The following PIWIL3 variants were observed in gnomAD, a reference collection of about 807,000 sequenced individuals.
The protein encoded by PIWIL3 is piwi like RNA-mediated gene silencing 3.
In PIWIL3, 101 loss-of-function variants were observed where a neutral mutation model predicts 109.7. The observed-to-expected ratio is 0.92, with a 90% confidence interval of 0.78 to 1.09. PIWIL3 has a LOEUF of 1.09. Among genes scored for constraint, PIWIL3 ranks in the 50% least tolerant of loss-of-function variants. PIWIL3 has a pLI of 0.00. For missense variants in PIWIL3, 1,031 were observed against 1,072.6 expected (o/e 0.96, Z 0.54); for synonymous variants, 373 against 376.4 (o/e 0.99, Z 0.10).
In PIWIL3 at chr22:24,719,422, C is replaced by T. The variant is rs1225240721; in HGVS notation, c.*50G>A. 7.4e-7 allele frequency: 1 copy of T among 1,344,560 alleles called. No individual in the cohort carries two copies. The highest frequency in any genetic ancestry group is 1.0e-6 in the Non-Finnish European group (1 of 982,770). 83.3% of individuals were successfully genotyped at this position (1,344,560 alleles called of 1,614,324 possible). On this transcript the variant is annotated 3_prime_UTR_variant, in exon 21 of 21. Transcript: ENST00000616349. ...CAGACATCCTGCTTCAAAAGGAAGA[C>T]AGGCTTACACGTTGTGGTTTCATTA...
At chr22:24,758,833 T>C (rs1157892245) in intron 3 of PIWIL3, among the ~76,000 whole-genome samples, 7 of 152,228 alleles carry the variant, frequency 4.6e-5, no homozygotes. Flanking sequence ...AAATTCATCA[T>C]ATTAAAATGT....
chr22:24,733,544 G>T (rs1923477256), intron 14 of PIWIL3, among the ~76,000 whole-genome samples: 1 of 152,126 alleles, frequency 6.6e-6, no homozygotes, highest in Non-Finnish European at 1.5e-5. Flanking sequence ...AGCTGGGCAT[G>T]GTGGTAGGCG....
At chr22:24,733,713 CAA>C (rs35515315) in intron 14 of PIWIL3, among the ~76,000 whole-genome samples, 6 of 126,818 alleles carry the variant, frequency 4.7e-5, no homozygotes, top group African/African-American at 1.8e-4. Context: ...ACAACAACAA[CAA>C]AAAAAAACAG....
At chr22:24,722,005 T>C (rs948751468) in intron 19 of PIWIL3, among the ~76,000 whole-genome samples, 3 of 152,264 alleles carry the variant, frequency 2.0e-5, no homozygotes, top group Non-Finnish European at 4.4e-5. Context: ...ATCATTTCCT[T>C]GTTCAGGTTC....
intron 2 of PIWIL3, among the ~76,000 whole-genome samples, chr22:24,761,114 A>T (rs1925414058): frequency 6.6e-6 from 1 of 152,034 alleles, no homozygotes; most frequent in African/African-American, 2.4e-5. Flanking sequence ...TGGGAGTGTG[A>T]GTTGTCCACG....
At chr22:24,727,079 T>G (rs1923042388) in intron 16 of PIWIL3, among the ~76,000 whole-genome samples, 1 of 152,218 alleles carries the variant, frequency 6.6e-6, no homozygotes. Flanking sequence ...ATCCTATACT[T>G]ACAGATCTCT....
chr22:24,729,425 G>T (rs1923203967), intron 14 of PIWIL3, among the ~76,000 whole-genome samples: 2 of 152,080 alleles, frequency 1.3e-5, no homozygotes, highest in African/African-American at 4.8e-5. Context: ...GGTTCACTTG[G>T]CAAAGTTAAT....
chr22:24,764,898 G>C (rs751461321), intron 1 of PIWIL3, among the ~76,000 whole-genome samples: 1 of 152,152 alleles, frequency 6.6e-6, no homozygotes, highest in Non-Finnish European at 1.5e-5. Flanking sequence ...AAGGAACAGT[G>C]TGGTTTGGGA....
intron 12 of PIWIL3, among the ~76,000 whole-genome samples, chr22:24,742,151 C>CAAAAAAAA (rs61071998): frequency 3.2e-5 from 3 of 94,600 alleles, no homozygotes; most frequent in East Asian, 2.9e-4. Flanking sequence ...ACAATAGCTG[C>CAAAAAAAA]AAAAAAAAAA....
Position 24,725,431 on chromosome 22 carries a change from T to C in PIWIL3, c.2080+14A>G, listed in dbSNP as rs775924392. 3 of 1,613,292 alleles carry C rather than the reference T, an allele frequency of 1.9e-6. No homozygotes were observed. Among genetic ancestry groups the C allele is most frequent in the East Asian group, 4.5e-5 (2 of 44,888 alleles). ...GTATAGTGTCGGGTTCCCCGACCGC[T>C]ACAAGACACTGACCTTTCAAGCAGA... On this transcript the variant is annotated intron_variant, in intron 17 of 20. Coordinates refer to ENST00000616349, the MANE Select transcript of PIWIL3 (RefSeq NM_001255975.1).
At chr22:24,735,606 G>A in intron 13 of PIWIL3, 102 bp downstream of exon 13, 1 of 1,180,152 alleles carries the variant, frequency 8.5e-7, no homozygotes, top group African/African-American at 1.6e-5. Context: ...CAAACTCTAA[G>A]GTTTTGATAC....
At position 24,749,957 on chromosome 22, in the gene PIWIL3, T is replaced by C. The variant is rs1380244995; in HGVS notation, c.1090-138A>G. 4.5e-6 allele frequency: 5 copies of C among 1,123,170 alleles called. No homozygotes were observed. In the African/African-American group the frequency reaches 4.7e-5, roughly 11 times the overall value. 69.6% of individuals were successfully genotyped at this position (1,123,170 alleles called of 1,614,324 possible). On this transcript the variant is annotated intron_variant, in intron 9 of 20. Coordinates refer to ENST00000616349, the MANE Select transcript of PIWIL3 (RefSeq NM_001255975.1). ...GGTGATATAGGTTCCCCAAGTTTAA[T>C]AGTGTACTATGAATACTCTCAAAAT...
intron 16 of PIWIL3, among the ~76,000 whole-genome samples, chr22:24,726,019 A>G (rs916822078): frequency 9.9e-5 from 15 of 152,026 alleles, no homozygotes; most frequent in African/African-American, 3.1e-4. Context: ...ACCCCATCTG[A>G]CCACCTGACA....
intron 16 of PIWIL3, among the ~76,000 whole-genome samples, chr22:24,725,901 T>A (rs995331729): frequency 2.0e-5 from 3 of 152,150 alleles, no homozygotes; most frequent in Non-Finnish European, 2.9e-5. Context: ...AGGAAGGGGT[T>A]TGCTTTGGAA....
At position 24,749,675 on chromosome 22, in the gene PIWIL3, G is replaced by C. The variant is rs1299361324; in HGVS notation, c.1216+18C>G. ...TAATTATACCTGACTTTAAAGAGGGGCTGTAATCCATCAGTACCTGTCATG... is the reference window on the plus strand; with the variant it reads ...TAATTATACCTGACTTTAAAGAGGGCCTGTAATCCATCAGTACCTGTCATG... On this transcript the variant is annotated intron_variant, in intron 10 of 20. Transcript: ENST00000616349. 1.9e-6 allele frequency: 3 copies of C among 1,614,182 alleles called. No homozygotes were observed. The highest frequency in any genetic ancestry group is 2.5e-6 in the Non-Finnish European group (3 of 1,180,028).
Position 24,735,764 on chromosome 22 carries a change from C to T in PIWIL3, c.1578G>A (p.Lys526=). 6.2e-7 allele frequency: 1 copy of T among 1,614,016 alleles called. No homozygotes were observed. The highest frequency in any genetic ancestry group is 1.3e-5 in the African/African-American group (1 of 75,060). Residue 526 remains lysine (K), a synonymous_variant, in exon 13 of 21, where the codon AAG becomes AAA. Transcript: ENST00000616349. ...GGGCTGTGACACTCTGTAGATGACC[C>T]TTTAAGGACATGGCTTCTCTGTGAC... The part of the protein sequence containing the change: ...RSSHREAMSL[K]GHLQSVTAPM...
rs1400717460 is a variant in PIWIL3 at position 24,755,862 on chromosome 22, T to G, written c.614A>C (p.Lys205Thr). Residue 205 changes from lysine to threonine, a missense_variant, in exon 6 of 21, where the codon AAG becomes ACG. Lys to Thr is a moderately conservative substitution (Grantham distance 78). Coordinates refer to ENST00000616349, the MANE Select transcript of PIWIL3 (RefSeq NM_001255975.1). Reference sequence around the variant, plus strand: ...TTCTTTGGAAAACTCAACTGTAATCTTCACGATGTTTTTGTCTTTGGTTGT... The same window carrying G: ...TTCTTTGGAAAACTCAACTGTAATCGTCACGATGTTTTTGTCTTTGGTTGT... Reference protein sequence around the residue: ...LSTTKDKNIVKITVEFSKELT... With the variant: ...LSTTKDKNIVTITVEFSKELT... 6.2e-7 allele frequency: 1 copy of G among 1,614,022 alleles called. No homozygotes were observed. The highest frequency in any genetic ancestry group is 1.7e-5 in the Admixed American group (1 of 60,010).
chr22:24,726,435 A>C (rs1039718568), intron 16 of PIWIL3, among the ~76,000 whole-genome samples: 1 of 151,530 alleles, frequency 6.6e-6, no homozygotes, highest in African/African-American at 2.4e-5. Context: ...GGCGCCCACC[A>C]CCATGCCTGG....
chr22:24,768,073 T>G (rs1925900126), intron 1 of PIWIL3, among the ~76,000 whole-genome samples: 1 of 152,150 alleles, frequency 6.6e-6, no homozygotes, highest in South Asian at 2.1e-4. Flanking sequence ...TGCAACTACT[T>G]TTCTGAGGAC....
Sources: gnomAD v4.1 joint callset for allele counts (sites outside exome capture counted in the v4.1 genomes callset) on GRCh38, gnomAD v4.1.1 for gene constraint, MANE v1.5 for transcripts, NCBI Gene and HGNC (gene_info 2026-07-23, HGNC 2026-07-21) for gene names.